Variants in ZNF407 observed in about 807,000 individuals in gnomAD.
ZNF407 encodes the protein zinc finger protein 407.
A neutral mutation model predicts 131.2 loss-of-function variants in ZNF407; 17 were observed. The observed-to-expected ratio is 0.13, with a 90% CI of 0.09 to 0.19. The LOEUF (loss-of-function observed/expected upper bound fraction) is 0.19. ZNF407 is among the 10% of genes least tolerant of loss of function. The pLI is 1.00. For synonymous variants in ZNF407, 1,156 were observed against 1,062.0 expected (o/e 1.09, Z -1.72); for missense variants, 2,681 against 2,830.6 (o/e 0.95, Z 1.20).
intron 4 of ZNF407, among the ~76,000 whole-genome samples, chr18:74,838,675 A>G (rs533488419): frequency 2.0e-5 from 3 of 152,214 alleles, no homozygotes; most frequent in African/African-American, 7.2e-5. Flanking sequence ...ATTCACAATA[A>G]TTGGCAGTGA....
intron 3 of ZNF407, among the ~76,000 whole-genome samples, chr18:74,754,449 A>G (rs1048943400): frequency 1.3e-5 from 2 of 152,130 alleles, no homozygotes; most frequent in Admixed American, 6.5e-5. Context: ...TTAGGATATC[A>G]ATTTTAGATC....
intron 8 of ZNF407, among the ~76,000 whole-genome samples, chr18:74,956,612 A>G (rs1396895318): frequency 6.6e-6 from 1 of 152,120 alleles, no homozygotes; most frequent in Non-Finnish European, 1.5e-5. Context: ...GAAGGTTTGT[A>G]TCAGTGGGTG....
At chr18:74,847,757 A>G (rs1427025369) in intron 4 of ZNF407, among the ~76,000 whole-genome samples, 1 of 152,100 alleles carries the variant, frequency 6.6e-6, no homozygotes, top group Non-Finnish European at 1.5e-5. Context: ...TATCTGAAGT[A>G]TCTTCCCAAT....
intron 4 of ZNF407, among the ~76,000 whole-genome samples, chr18:74,844,520 CT>C (rs1307766250): frequency 1.3e-5 from 2 of 151,980 alleles, no homozygotes; most frequent in Non-Finnish European, 2.9e-5. Flanking sequence ...CTAATAATGG[CT>C]TTTTAAATAG....
At chr18:74,744,263 C>G (rs1968616642) in intron 3 of ZNF407, among the ~76,000 whole-genome samples, 1 of 152,180 alleles carries the variant, frequency 6.6e-6, no homozygotes, top group Non-Finnish European at 1.5e-5. Context: ...TTCTTCATGT[C>G]CCTGTTTCCA....
rs71339926 is a variant in ZNF407, at chr18:75,034,310, T to G, written c.5429-28840T>G. Among the ~76,000 whole-genome samples the G allele has an allele frequency of 3.7e-3, 552 of 148,554 alleles. 2 individuals are homozygous for G. The highest frequency in any genetic ancestry group is 0.012 in the South Asian group (55 of 4,608). On this transcript the variant is annotated intron_variant, in intron 8 of 8. Coordinates refer to ENST00000299687, the MANE Select transcript of ZNF407 (RefSeq NM_017757.3). ...TTTTCTCTGTGTTGGGTTTTTTTTT[T>G]TTTTTTTTTTTGAGACGTAGTTTCG...
At chr18:74,951,708 A>C (rs1972216309) in intron 8 of ZNF407, among the ~76,000 whole-genome samples, 1 of 152,220 alleles carries the variant, frequency 6.6e-6, no homozygotes, top group South Asian at 2.1e-4. Flanking sequence ...TTTTAATCTA[A>C]ATCATTAACT....
At chr18:74,766,061 G>A (rs1001070950) in intron 3 of ZNF407, among the ~76,000 whole-genome samples, 1 of 150,716 alleles carries the variant, frequency 6.6e-6, no homozygotes, top group Non-Finnish European at 1.5e-5. Context: ...GTGTGTCTGT[G>A]TCTGTGTGTC....
At chr18:74,889,274 GTGTCTGTC>G (rs34738627) in intron 6 of ZNF407, among the ~76,000 whole-genome samples, 1 of 151,330 alleles carries the variant, frequency 6.6e-6, no homozygotes, top group African/African-American at 2.4e-5. Context: ...CTGCGTAGCT[GTGTCTGTC>G]TGTCTGTCTG....
At chr18:74,779,265 G>C (rs1007972224) in intron 3 of ZNF407, among the ~76,000 whole-genome samples, 1 of 150,216 alleles carries the variant, frequency 6.7e-6, no homozygotes. Context: ...ACAGGTGCCC[G>C]CCACCACACC....
chr18:74,674,115 G>A (rs1175733534), intron 3 of ZNF407, among the ~76,000 whole-genome samples: 1 of 152,144 alleles, frequency 6.6e-6, no homozygotes, highest in Non-Finnish European at 1.5e-5. Flanking sequence ...AACTAGTTTT[G>A]TTTATTTCTG....
chr18:74,603,978 G>T (rs1273351334), intron 1 of ZNF407, among the ~76,000 whole-genome samples: 1 of 152,188 alleles, frequency 6.6e-6, no homozygotes, highest in Non-Finnish European at 1.5e-5. Context: ...AAAGGAAAAA[G>T]GAGTAAGTTT....
chr18:75,013,346 G>A (rs1016695971), intron 8 of ZNF407, among the ~76,000 whole-genome samples: 4 of 152,038 alleles, frequency 2.6e-5, no homozygotes, highest in Non-Finnish European at 4.4e-5. Flanking sequence ...TAAGTGATGG[G>A]TAGTTGTCCT....
chr18:74,886,968 C>A (rs1435691897), intron 6 of ZNF407, among the ~76,000 whole-genome samples: 3 of 152,170 alleles, frequency 2.0e-5, no homozygotes, highest in Non-Finnish European at 4.4e-5. Context: ...TAATATGTGT[C>A]ATTTTATCTA....
At chr18:74,914,807 C>T (rs1366898867) in intron 7 of ZNF407, among the ~76,000 whole-genome samples, 1 of 152,096 alleles carries the variant, frequency 6.6e-6, no homozygotes, top group Non-Finnish European at 1.5e-5. Flanking sequence ...AGGACTGATC[C>T]TAGTGTTGGT....
intron 6 of ZNF407, among the ~76,000 whole-genome samples, chr18:74,883,697 G>A (rs1022854088): frequency 6.6e-6 from 1 of 152,106 alleles, no homozygotes; most frequent in Non-Finnish European, 1.5e-5. Context: ...CATGAGACGC[G>A]GTCAGCCCGT....
chr18:75,054,400 G>T (rs1254708722), intron 8 of ZNF407, among the ~76,000 whole-genome samples: 2 of 152,054 alleles, frequency 1.3e-5, no homozygotes, highest in Non-Finnish European at 2.9e-5. Flanking sequence ...TCATTTCCTT[G>T]GGAACAATAT....
chr18:75,008,831 C>T (rs1972941108), intron 8 of ZNF407, among the ~76,000 whole-genome samples: 1 of 152,138 alleles, frequency 6.6e-6, no homozygotes, highest in African/African-American at 2.4e-5. Flanking sequence ...TAAGGCGTGA[C>T]ATAAAGATAT....
At chr18:74,849,067 A>ATTT (rs1347479859) in intron 4 of ZNF407, among the ~76,000 whole-genome samples, 3 of 132,872 alleles carry the variant, frequency 2.3e-5, no homozygotes, top group African/African-American at 8.4e-5. Flanking sequence ...TTTTTTTTTT[A>ATTT]TTTTTTATTT....
Sources: allele counts gnomAD v4.1 joint callset (sites outside exome capture counted in the v4.1 genomes callset), GRCh38; gene constraint gnomAD v4.1.1; transcripts MANE v1.5; gene names NCBI Gene and HGNC (gene_info 2026-07-23, HGNC 2026-07-21).